ARHGAP26: variants seen among roughly 807,000 people sequenced by gnomAD.
The protein encoded by ARHGAP26 is rho GTPase-activating protein 26.
Under a neutral mutation model 104.8 loss-of-function variants are expected in ARHGAP26, and 38 were observed. That is an observed-to-expected ratio of 0.36 (90% CI 0.28 to 0.48). The LOEUF (loss-of-function observed/expected upper bound fraction) is 0.48. ARHGAP26 is among the 20% of genes least tolerant of loss of function. The pLI is 0.99. For synonymous variants in ARHGAP26, 341 were observed against 340.0 expected, an observed-to-expected ratio of 1.00 and a Z score of -0.03; for missense variants, 704 against 947.9, an observed-to-expected ratio of 0.74 and a Z score of 3.38.
chr5:143,110,529 A>AC (rs1794653034), intron 17 of ARHGAP26, among the ~76,000 whole-genome samples: 1 of 152,164 alleles, frequency 6.6e-6, no homozygotes, highest in African/African-American at 2.4e-5. Context: ...AACAACAGGA[A>AC]CCGGCATTTG....
intron 11 of ARHGAP26, among the ~76,000 whole-genome samples, chr5:142,979,837 G>A (rs1332240525): frequency 6.6e-6 from 1 of 152,220 alleles, no homozygotes; most frequent in African/African-American, 2.4e-5. Flanking sequence ...GGCGGAGTAT[G>A]GGAGGTGGGC....
chr5:143,026,082 A>G (rs974320758), intron 12 of ARHGAP26, among the ~76,000 whole-genome samples: 1 of 152,136 alleles, frequency 6.6e-6, no homozygotes, highest in African/African-American at 2.4e-5. Flanking sequence ...TGTTTGTCTC[A>G]TGCTTCCCAC....
intron 11 of ARHGAP26, among the ~76,000 whole-genome samples, chr5:142,995,525 A>T (rs868253627): frequency 8.6e-4 from 131 of 152,394 alleles, no homozygotes; most frequent in African/African-American, 2.9e-3. Context: ...GATGCCGGAA[A>T]GGATGTGGAG....
At position 143,025,020 on chromosome 5, in the gene ARHGAP26, A is replaced by T. The variant is rs182703581; in HGVS notation, c.1144+10904A>T. ...TTTTGGAAGAATAAATGAGATTAGG[A>T]TGGACATCCTTTGCTCAATGGTGCC... On this transcript the variant is annotated intron_variant, in intron 12 of 22. Transcript: ENST00000645722. Among the ~76,000 whole-genome samples, 7 of 152,318 alleles carry T rather than the reference A, an allele frequency of 4.6e-5. No individual in the cohort carries two copies. In the East Asian group the frequency reaches 5.8e-4, roughly 13 times the overall value.
At chr5:143,058,898 G>C (rs1381738867) in intron 17 of ARHGAP26, among the ~76,000 whole-genome samples, 1 of 152,156 alleles carries the variant, frequency 6.6e-6, no homozygotes, top group Non-Finnish European at 1.5e-5. Context: ...TTTTTTCTTG[G>C]CTTTCCATAT....
intron 11 of ARHGAP26, among the ~76,000 whole-genome samples, chr5:142,943,060 C>A (rs145281163): frequency 6.6e-6 from 1 of 152,158 alleles, no homozygotes; most frequent in African/African-American, 2.4e-5. Flanking sequence ...GGATTACAGG[C>A]GTGAGCCACT....
chr5:142,992,389 T>C (rs1775738178), intron 11 of ARHGAP26, among the ~76,000 whole-genome samples: 1 of 152,062 alleles, frequency 6.6e-6, no homozygotes, highest in South Asian at 2.1e-4. Flanking sequence ...TCCAAGATGA[T>C]TTAAGAAGTG....
chr5:142,893,109 C>T (rs1297004971), intron 5 of ARHGAP26, among the ~76,000 whole-genome samples: 2 of 151,734 alleles, frequency 1.3e-5, no homozygotes, highest in South Asian at 2.1e-4. Flanking sequence ...CTCAACCTCC[C>T]GAGTAGCTAC....
At chr5:142,868,495 T>C (rs1053077058) in intron 1 of ARHGAP26, among the ~76,000 whole-genome samples, 1 of 152,238 alleles carries the variant, frequency 6.6e-6, no homozygotes, top group African/African-American at 2.4e-5. Context: ...TGCAGTTATC[T>C]GGGCAAATGG....
At chr5:142,992,371 C>A (rs985248386) in intron 11 of ARHGAP26, among the ~76,000 whole-genome samples, 2 of 151,898 alleles carry the variant, frequency 1.3e-5, no homozygotes, top group Non-Finnish European at 2.9e-5. Flanking sequence ...ACAACTGATT[C>A]GAAAGGCTCC....
At chr5:142,841,759 C>T (rs1187636573) in intron 1 of ARHGAP26, among the ~76,000 whole-genome samples, 2 of 152,054 alleles carry the variant, frequency 1.3e-5, no homozygotes, top group African/African-American at 4.8e-5. Flanking sequence ...AGATGGCTGG[C>T]GGAAGAGGGT....
intron 20 of ARHGAP26, among the ~76,000 whole-genome samples, chr5:143,195,589 A>G (rs1430306140): frequency 6.6e-6 from 1 of 152,178 alleles, no homozygotes; most frequent in African/African-American, 2.4e-5. Context: ...GGAAGAGACC[A>G]TTGATTTACT....
chr5:143,022,825 G>T (rs532554075), intron 12 of ARHGAP26, among the ~76,000 whole-genome samples: 1 of 152,284 alleles, frequency 6.6e-6, no homozygotes, highest in Non-Finnish European at 1.5e-5. Flanking sequence ...CATTGCCAGG[G>T]TCATTTTTTT....
intron 6 of ARHGAP26, among the ~76,000 whole-genome samples, chr5:142,900,327 C>T (rs557662718): frequency 1.8e-4 from 28 of 151,954 alleles, no homozygotes; most frequent in African/African-American, 5.3e-4. Flanking sequence ...CACTCATTCA[C>T]GGATTTATGT....
intron 1 of ARHGAP26, among the ~76,000 whole-genome samples, 200 bp from the exon 2 acceptor site, chr5:142,873,200 A>G (rs1755579786): frequency 2.0e-5 from 3 of 152,254 alleles, no homozygotes; most frequent in Admixed American, 6.5e-5. Flanking sequence ...TAACAAAAAT[A>G]TTAACTTCTA....
chr5:142,844,054 T>G (rs71590920), intron 1 of ARHGAP26, among the ~76,000 whole-genome samples: 7,275 of 150,616 alleles, frequency 0.048, 242 homozygotes, highest in East Asian at 0.13. Flanking sequence ...AAAGTGAGTT[T>G]TTTTTTTTTT....
chr5:142,895,244 T>C (rs943734816), intron 6 of ARHGAP26, among the ~76,000 whole-genome samples: 26 of 152,302 alleles, frequency 1.7e-4, no homozygotes, highest in Admixed American at 1.3e-3. Context: ...CTTTTTTTTT[T>C]CTTTGAGACA....
At chr5:143,120,860 G>A in intron 17 of ARHGAP26, 128 bp from the exon 18 acceptor site, 1 of 853,610 alleles carries the variant, frequency 1.2e-6, no homozygotes, top group Non-Finnish European at 1.7e-6. Context: ...GGCATCTGAC[G>A]ATGACCCAAG....
At position 142,877,903 on chromosome 5, in the gene ARHGAP26, G is replaced by T. The variant is rs149499176; in HGVS notation, c.313-1471G>T. Reference sequence around the variant, plus strand: ...TGTAAGCTTCAGAGACTTGCAGATGGTTTGTGGAGAAGACTTCAGTGAACC... The same window carrying T: ...TGTAAGCTTCAGAGACTTGCAGATGTTTTGTGGAGAAGACTTCAGTGAACC... On this transcript the variant is annotated intron_variant, in intron 3 of 22. Transcript: ENST00000645722. Among the ~76,000 whole-genome samples, 114 of 152,336 alleles carry T rather than the reference G, an allele frequency of 7.5e-4. 2 individuals are homozygous for T. Among genetic ancestry groups the T allele is most frequent in the African/African-American group, 2.7e-3 (114 of 41,578 alleles).
Sources: allele counts gnomAD v4.1 joint callset (sites outside exome capture counted in the v4.1 genomes callset), GRCh38; gene constraint gnomAD v4.1.1; transcripts MANE v1.5; gene names NCBI Gene and HGNC (gene_info 2026-07-23, HGNC 2026-07-21).